AP3S2: variants seen among roughly 807,000 people sequenced by gnomAD.
The protein encoded by AP3S2 is AP-3 complex subunit sigma-2.
Under a neutral mutation model 23.4 loss-of-function variants are expected in AP3S2, and 22 were observed. That is an observed-to-expected ratio of 0.94 (90% CI 0.67 to 1.34). The LOEUF is 1.34. AP3S2 is among the 40% of genes most tolerant of loss of function. AP3S2 has a pLI of 0.00. For synonymous variants in AP3S2, 86 were observed against 87.1 expected, an observed-to-expected ratio of 0.99 and a Z score of 0.07; for missense variants, 241 against 236.9, an observed-to-expected ratio of 1.02 and a Z score of -0.11.
chr15:89,876,432 A>G (rs1896445239), intron 3 of AP3S2: 1 of 151,726 alleles, frequency 6.6e-6, no homozygotes, highest in Non-Finnish European at 1.5e-5. Context: ...AAAGGAAAGA[A>G]AAAAAAAAGA....
intron 4 of AP3S2, chr15:89,848,510 G>T (rs548722903): frequency 1.3e-5 from 2 of 152,246 alleles, no homozygotes; most frequent in African/African-American, 4.8e-5. Context: ...ACAGGCACCC[G>T]CCACCACACC....
At chr15:89,858,509 G>A (rs1466332657) in intron 4 of AP3S2, among the ~76,000 whole-genome samples, 21 of 127,664 alleles carry the variant, frequency 1.6e-4, no homozygotes, top group African/African-American at 5.6e-4. Flanking sequence ...GAGAGAGAGA[G>A]AGAGAGAGAG....
intron 4 of AP3S2, among the ~76,000 whole-genome samples, chr15:89,870,961 A>G (rs1180675555): frequency 6.6e-6 from 1 of 152,236 alleles, no homozygotes; most frequent in Non-Finnish European, 1.5e-5. Flanking sequence ...ACTTGGGGCC[A>G]TTTTAATTCT....
chr15:89,879,025 C>T lies in AP3S2; in HGVS notation c.274-7479G>A, dbSNP rs573385041. On this transcript the variant is annotated intron_variant, in intron 3 of 5. Coordinates refer to ENST00000336418, the MANE Select transcript of AP3S2 (RefSeq NM_005829.5). ...CCTCCCAAAGCGTTGGGATTACGGG[C>T]GTGGGCCGCCGCACCCAGCCAGGCT... Among the ~76,000 whole-genome samples the T allele has an allele frequency of 3.9e-5, 6 of 152,330 alleles. No individual in the cohort carries two copies. The South Asian group carries it at 1.2e-3, about 32-fold the overall frequency.
chr15:89,852,995 C>T (rs1895696693), intron 4 of AP3S2, among the ~76,000 whole-genome samples: 1 of 152,174 alleles, frequency 6.6e-6, no homozygotes, highest in Non-Finnish European at 1.5e-5. Flanking sequence ...CAGCTTCACC[C>T]TTTTGGCAGT....
intron 4 of AP3S2, among the ~76,000 whole-genome samples, chr15:89,851,380 C>A (rs1238656388): frequency 6.6e-6 from 1 of 152,162 alleles, no homozygotes; most frequent in Non-Finnish European, 1.5e-5. Context: ...GCTCTGTCCC[C>A]CAGGCTGGAG....
chr15:89,852,014 T>C (rs1231044500), intron 4 of AP3S2, among the ~76,000 whole-genome samples: 1 of 152,136 alleles, frequency 6.6e-6, no homozygotes, highest in Non-Finnish European at 1.5e-5. Flanking sequence ...TCCCCACATT[T>C]AGGATGTCAA....
intron 1 of AP3S2, among the ~76,000 whole-genome samples, chr15:89,891,872 A>G (rs1169687851): frequency 2.0e-5 from 3 of 152,214 alleles, no homozygotes; most frequent in Admixed American, 2.0e-4. Context: ...ATGATCCAGC[A>G]ATTCTACTCC....
chr15:89,835,773 A>T, intron 5 of AP3S2, 130 bp from the exon 6 acceptor site: 1 of 1,401,978 alleles, frequency 7.1e-7, no homozygotes, highest in Non-Finnish European at 9.4e-7. Context: ...CACGCCTGTA[A>T]TCCCAGCACT....
At chr15:89,866,261 C>CAAAAAAA (rs368571089) in intron 4 of AP3S2, among the ~76,000 whole-genome samples, 4 of 87,720 alleles carry the variant, frequency 4.6e-5, no homozygotes, top group African/African-American at 9.6e-5. Context: ...GACTCCGTCT[C>CAAAAAAA]AAAAAAAAAA....
chr15:89,867,823 C>T (rs1350113837), intron 4 of AP3S2, among the ~76,000 whole-genome samples: 2 of 128,696 alleles, frequency 1.6e-5, no homozygotes, highest in African/African-American at 5.8e-5. Context: ...CGGCAGCTGC[C>T]CCGTCTGAGA....
At chr15:89,870,470 G>C (rs1896292665) in intron 4 of AP3S2, among the ~76,000 whole-genome samples, 1 of 152,162 alleles carries the variant, frequency 6.6e-6, no homozygotes, top group Non-Finnish European at 1.5e-5. Context: ...CAGATGGTGA[G>C]AGACAAAACT....
chr15:89,859,313 T>TTTCC (rs1230342290), intron 4 of AP3S2, among the ~76,000 whole-genome samples: 1 of 149,902 alleles, frequency 6.7e-6, no homozygotes, highest in African/African-American at 2.5e-5. Flanking sequence ...CCTTCCTTCC[T>TTTCC]TTCCTTCCTT....
At position 89,871,367 on chromosome 15, in the gene AP3S2, G is replaced by GT. The variant is rs1267749386; in HGVS notation, c.345+107dup. On this transcript the variant is annotated intron_variant, in intron 4 of 5. Transcript: ENST00000336418. ...AACATGTTCTAGGACTATCTTAAGA[G>GT]TAAAAAAAAACAAGAAACAATATGA... The GT allele has an allele frequency of 7.1e-5, 73 of 1,026,144 alleles. No individual in the cohort carries two copies. The South Asian group carries it at 1.1e-3, about 16-fold the overall frequency. 63.6% of individuals were successfully genotyped at this position (1,026,144 alleles called of 1,614,324 possible).
chr15:89,858,389 C>T (rs147696805), intron 4 of AP3S2, among the ~76,000 whole-genome samples: 1,587 of 150,666 alleles, frequency 0.011, 30 homozygotes, highest in African/African-American at 0.037. Context: ...TGCAGTGAGC[C>T]GAGATCACGT....
rs1895099592 is a variant in AP3S2, at chr15:89,832,486, A to AC, written c.*3028_*3029insG. The AC allele has an allele frequency of 8.6e-6, 1 of 115,904 alleles. No homozygotes were observed. The highest frequency in any genetic ancestry group is 3.3e-5 in the African/African-American group (1 of 29,876). 7.2% of individuals were successfully genotyped at this position (115,904 alleles called of 1,614,324 possible). A position where few individuals can be genotyped will look rare whatever the true frequency, so the allele number is the denominator to read the frequency against. ...CTAGTATTCTATACAACCTTAACCT[A>AC]TTTTTTTTTTTTTTTTTTTTGAGAC... On this transcript the variant is annotated 3_prime_UTR_variant, in exon 6 of 6. Coordinates refer to ENST00000336418, the MANE Select transcript of AP3S2 (RefSeq NM_005829.5).
chr15:89,867,925 G>T (rs1267136007), intron 4 of AP3S2, among the ~76,000 whole-genome samples: 62 of 147,224 alleles, frequency 4.2e-4, no homozygotes, highest in African/African-American at 1.4e-3. Flanking sequence ...GGAGGTGGGG[G>T]GGGTCAGCCC....
chr15:89,861,446 C>G (rs957320343), intron 4 of AP3S2, among the ~76,000 whole-genome samples: 2 of 152,162 alleles, frequency 1.3e-5, no homozygotes, highest in Admixed American at 6.5e-5. Context: ...TGTTAGGTCA[C>G]CCACACAGTT....
intron 4 of AP3S2, among the ~76,000 whole-genome samples, chr15:89,842,398 C>T (rs1362470700): frequency 1.3e-5 from 2 of 152,192 alleles, no homozygotes; most frequent in African/African-American, 4.8e-5. Flanking sequence ...TGAAAGGTCA[C>T]ACTGTATCCC....
Sources: allele counts gnomAD v4.1 joint callset (sites outside exome capture counted in the v4.1 genomes callset), GRCh38; gene constraint gnomAD v4.1.1; transcripts MANE v1.5; gene names NCBI Gene and HGNC (gene_info 2026-07-23, HGNC 2026-07-21).